The following AKR1C8 variants were observed in gnomAD, a reference collection of about 807,000 sequenced individuals.
AKR1C8 encodes the protein aldo-keto reductase family 1 member C8.
At chr10:5,182,258 A>C in the AKR1C8 span, among the ~76,000 whole-genome samples, 1 of 152,218 alleles carries the variant, frequency 6.6e-6, no homozygotes, top group Non-Finnish European at 1.5e-5. Context: ...TTTACAAGAC[A>C]CAATTTTTAA....
the AKR1C8 span, chr10:5,135,244 G>A: frequency 2.8e-5 from 6 of 214,998 alleles, no homozygotes; most frequent in South Asian, 9.2e-5. Flanking sequence ...CATTCCTTTC[G>A]CTAAGCAGAC....
the AKR1C8 span, among the ~76,000 whole-genome samples, chr10:5,180,555 G>A: frequency 1.3e-5 from 2 of 152,318 alleles, no homozygotes; most frequent in East Asian, 3.9e-4. Flanking sequence ...CTGTCTTTTT[G>A]TTTGTCTGTG....
chr10:5,152,995 G>T, the AKR1C8 span, among the ~76,000 whole-genome samples: 1 of 151,942 alleles, frequency 6.6e-6, no homozygotes, highest in Non-Finnish European at 1.5e-5. Context: ...GGAATGGAGG[G>T]CAATCAGTGG....
At chr10:5,167,458 A>G in the AKR1C8 span, among the ~76,000 whole-genome samples, 1 of 152,220 alleles carries the variant, frequency 6.6e-6, no homozygotes, top group Admixed American at 6.5e-5. Flanking sequence ...GCAGCCATAA[A>G]AAATTATAAG....
At chr10:5,170,421 A>C in the AKR1C8 span, among the ~76,000 whole-genome samples, 3 of 152,204 alleles carry the variant, frequency 2.0e-5, no homozygotes, top group Admixed American at 6.5e-5. Context: ...AATTATTTGT[A>C]TACAGTGCAG....
chr10:5,177,303 C>G, the AKR1C8 span, among the ~76,000 whole-genome samples: 1 of 151,946 alleles, frequency 6.6e-6, no homozygotes. Flanking sequence ...TATATTGAAC[C>G]AGCCTTGCAT....
chr10:5,185,069 C>T, the AKR1C8 span: 1 of 534,672 alleles, frequency 1.9e-6, no homozygotes, highest in Non-Finnish European at 3.8e-6. Flanking sequence ...CATCATTCAG[C>T]CTCACTGAAT....
chr10:5,174,211 A>C, the AKR1C8 span, among the ~76,000 whole-genome samples: 1 of 151,868 alleles, frequency 6.6e-6, no homozygotes, highest in African/African-American at 2.4e-5. Context: ...ACTGACAAAC[A>C]GAAAATTTTA....
At chr10:5,139,223 G>T in the AKR1C8 span, among the ~76,000 whole-genome samples, 1 of 152,130 alleles carries the variant, frequency 6.6e-6, no homozygotes, top group Non-Finnish European at 1.5e-5. Context: ...TGGCCATACT[G>T]CCCAAGGTAA....
chr10:5,156,554 A>ATCTATCTATCTATCT, the AKR1C8 span, among the ~76,000 whole-genome samples: 2 of 151,756 alleles, frequency 1.3e-5, no homozygotes, highest in Non-Finnish European at 2.9e-5. Context: ...CTATCTATCT[A>ATCTATCTATCTATCT]ATGTATTTAT....
chr10:5,163,744 A>G, the AKR1C8 span, among the ~76,000 whole-genome samples: 2 of 152,224 alleles, frequency 1.3e-5, no homozygotes, highest in African/African-American at 4.8e-5. Flanking sequence ...CCATTCGGAT[A>G]AAAGACAAAG....
the AKR1C8 span, among the ~76,000 whole-genome samples, chr10:5,179,761 T>C: frequency 0.012 from 1,889 of 152,286 alleles, 25 homozygotes; most frequent in Non-Finnish European, 0.015. Flanking sequence ...TCCAGTTGAT[T>C]GCATCAGCTC....
the AKR1C8 span, among the ~76,000 whole-genome samples, chr10:5,135,651 T>G: frequency 6.1e-4 from 93 of 152,292 alleles, no homozygotes; most frequent in Middle Eastern, 3.4e-3. Context: ...TATGTTGGAC[T>G]ATAAAACAAC....
At chr10:5,161,319 C>G in the AKR1C8 span, among the ~76,000 whole-genome samples, 1 of 152,152 alleles carries the variant, frequency 6.6e-6, no homozygotes, top group Non-Finnish European at 1.5e-5. Context: ...TCACCCGACT[C>G]AGAGAGTAAG....
the AKR1C8 span, among the ~76,000 whole-genome samples, chr10:5,163,838 A>G: frequency 6.6e-6 from 1 of 152,116 alleles, no homozygotes; most frequent in Non-Finnish European, 1.5e-5. Context: ...CACCACAGAT[A>G]TGCCTTTGTC....
chr10:5,170,273 G>A, the AKR1C8 span, among the ~76,000 whole-genome samples: 1 of 152,064 alleles, frequency 6.6e-6, no homozygotes, highest in African/African-American at 2.4e-5. Context: ...ATAATAAAAA[G>A]TGTAAAACAT....
chr10:5,169,254 G>C, the AKR1C8 span, among the ~76,000 whole-genome samples: 1 of 152,178 alleles, frequency 6.6e-6, no homozygotes, highest in Non-Finnish European at 1.5e-5. Flanking sequence ...GTTTGTCCGA[G>C]ATGATGGTGC....
At chr10:5,156,206 A>T in the AKR1C8 span, among the ~76,000 whole-genome samples, 1 of 152,186 alleles carries the variant, frequency 6.6e-6, no homozygotes, top group Non-Finnish European at 1.5e-5. Context: ...CCACTCAAGA[A>T]TCTGTTTGCC....
the AKR1C8 span, among the ~76,000 whole-genome samples, chr10:5,146,879 G>A: frequency 0.032 from 4,866 of 152,204 alleles, 255 homozygotes; most frequent in African/African-American, 0.11. Flanking sequence ...TGTGATTATC[G>A]GGTATTAAGA....
Sources: allele counts gnomAD v4.1 joint callset (sites outside exome capture counted in the v4.1 genomes callset), GRCh38; gene constraint gnomAD v4.1.1; transcripts MANE v1.5; gene names NCBI Gene and HGNC (gene_info 2026-07-23, HGNC 2026-07-21).